Variants in GRID2 observed in about 807,000 individuals in gnomAD.
GRID2 encodes glutamate ionotropic receptor delta type subunit 2.
In GRID2, 33 loss-of-function variants were observed where a neutral mutation model predicts 114.8. That is an observed-to-expected ratio of 0.29 (90% confidence interval 0.22 to 0.38). The LOEUF (loss-of-function observed/expected upper bound fraction) is 0.38. Ranked by LOEUF, GRID2 falls within the 10% of genes least tolerant of loss-of-function variation. GRID2 has a pLI of 1.00. For synonymous variants in GRID2, 505 were observed against 449.9 expected (o/e 1.12, Z -1.55); for missense variants, 1,184 against 1,257.7 (o/e 0.94, Z 0.89).
In GRID2 at chr4:93,183,082, A is replaced by G. The variant is rs564630157; in HGVS notation, c.736-24322A>G. Among the ~76,000 whole-genome samples, 5 of 152,356 alleles carry G rather than the reference A, an allele frequency of 3.3e-5. 1 individual carries two copies. The South Asian group carries it at 6.2e-4, about 19-fold the overall frequency. On this transcript the variant is annotated intron_variant, in intron 4 of 15. Coordinates refer to ENST00000282020, the MANE Select transcript of GRID2 (RefSeq NM_001510.4). ...TGAGCAGAATTAAATCAAAATGAGT[A>G]AAATAAAGTAAATCAGGTGCCTGAT...
intron 14 of GRID2, among the ~76,000 whole-genome samples, chr4:93,708,996 T>G (rs1313180277): frequency 1.3e-5 from 2 of 152,102 alleles, no homozygotes; most frequent in Non-Finnish European, 2.9e-5. Flanking sequence ...CACTTTAACT[T>G]CATCCCTTCT....
intron 2 of GRID2, among the ~76,000 whole-genome samples, chr4:92,648,038 G>A (rs910948869): frequency 6.0e-5 from 9 of 149,682 alleles, no homozygotes; most frequent in Admixed American, 2.0e-4. Flanking sequence ...ATAAAATGAA[G>A]TTTCACTCAT....
intron 2 of GRID2, among the ~76,000 whole-genome samples, chr4:92,888,999 T>C (rs1401092058): frequency 1.3e-5 from 2 of 152,152 alleles, no homozygotes; most frequent in African/African-American, 4.8e-5. Flanking sequence ...ATTTAGTCTT[T>C]AGATTTAAAA....
At chr4:93,023,564 T>C (rs1723598164) in intron 2 of GRID2, among the ~76,000 whole-genome samples, 1 of 151,904 alleles carries the variant, frequency 6.6e-6, no homozygotes, top group South Asian at 2.1e-4. Context: ...TATGTAATTT[T>C]TAAAAGAGAA....
intron 2 of GRID2, among the ~76,000 whole-genome samples, chr4:92,943,660 T>G (rs2149541089): frequency 6.6e-6 from 1 of 152,334 alleles, no homozygotes; most frequent in South Asian, 2.1e-4. Context: ...GTGCTCTGAC[T>G]TTCAGAGTTT....
intron 2 of GRID2, among the ~76,000 whole-genome samples, chr4:92,904,901 A>T (rs1747839299): frequency 6.6e-6 from 1 of 152,092 alleles, no homozygotes. Context: ...TGGTGGAAAG[A>T]AATATTATAG....
chr4:92,551,127 T>G (rs1444246679), intron 1 of GRID2, among the ~76,000 whole-genome samples: 1 of 152,156 alleles, frequency 6.6e-6, no homozygotes, highest in Non-Finnish European at 1.5e-5. Flanking sequence ...AAAGGATAGA[T>G]AGTATCATTT....
At chr4:93,765,765 C>T (rs1296667057) in intron 14 of GRID2, among the ~76,000 whole-genome samples, 1 of 151,258 alleles carries the variant, frequency 6.6e-6, no homozygotes, top group Admixed American at 6.6e-5. Context: ...AAAGTGTAGG[C>T]AGTAATTAAG....
chr4:92,945,035 A>G (rs1393450752), intron 2 of GRID2, among the ~76,000 whole-genome samples: 3 of 152,150 alleles, frequency 2.0e-5, no homozygotes, highest in Non-Finnish European at 4.4e-5. Flanking sequence ...AGTTACATTC[A>G]GTGGTGGTAA....
intron 1 of GRID2, among the ~76,000 whole-genome samples, chr4:92,400,186 C>T (rs900938447): frequency 2.0e-4 from 30 of 152,054 alleles, no homozygotes; most frequent in Admixed American, 2.0e-3. Flanking sequence ...TGTGCAACTA[C>T]CACAGCTATT....
intron 1 of GRID2, among the ~76,000 whole-genome samples, chr4:92,306,012 C>G (rs1725383627): frequency 1.3e-5 from 2 of 152,178 alleles, no homozygotes; most frequent in African/African-American, 4.8e-5. Context: ...TGCTTCTCCA[C>G]CGCACAACAC....
At chr4:93,113,546 C>T (rs1459325165) in intron 4 of GRID2, among the ~76,000 whole-genome samples, 1 of 152,194 alleles carries the variant, frequency 6.6e-6, no homozygotes, top group Non-Finnish European at 1.5e-5. Flanking sequence ...TTTTCCAGTT[C>T]ATCGTAGAAA....
chr4:93,029,982 T>G (rs1167396319), intron 2 of GRID2, among the ~76,000 whole-genome samples: 1 of 152,200 alleles, frequency 6.6e-6, no homozygotes, highest in South Asian at 2.1e-4. Context: ...TGTCCCAGTC[T>G]GCTAGGGGAA....
intron 2 of GRID2, among the ~76,000 whole-genome samples, chr4:92,720,402 A>G (rs1735755064): frequency 6.6e-6 from 1 of 152,048 alleles, no homozygotes; most frequent in South Asian, 2.1e-4. Context: ...AACATTAAGA[A>G]ATTCATACTC....
chr4:93,340,161 A>G (rs1759500650), intron 8 of GRID2, among the ~76,000 whole-genome samples: 1 of 151,084 alleles, frequency 6.6e-6, no homozygotes, highest in African/African-American at 2.4e-5. Context: ...TGTAACTAGT[A>G]TATTCTAGCA....
At chr4:92,957,669 A>G (rs562011869) in intron 2 of GRID2, among the ~76,000 whole-genome samples, 8 of 152,092 alleles carry the variant, frequency 5.3e-5, no homozygotes, top group African/African-American at 1.9e-4. Flanking sequence ...CTTCCGAATC[A>G]TTTAGTAGAT....
At chr4:92,442,326 C>T (rs1208683031) in intron 1 of GRID2, among the ~76,000 whole-genome samples, 3 of 151,868 alleles carry the variant, frequency 2.0e-5, no homozygotes, top group Non-Finnish European at 2.9e-5. Flanking sequence ...TTGAACAGTC[C>T]GATTTTCAGT....
rs538237027 is a variant in GRID2, at chr4:93,158,224, G to T, written c.735+47271G>T. 4.6e-5 allele frequency among the ~76,000 whole-genome samples: 7 copies of T among 151,920 alleles called. No homozygotes were observed. The South Asian group carries it at 6.2e-4, about 13-fold the overall frequency. ...CTCTGCTGCAATTCGTTATGCAGGA[G>T]CTAGGGAGGGATAGAGAATAATGTA... is the stretch of plus-strand genomic sequence containing the variant. On this transcript the variant is annotated intron_variant, in intron 4 of 15. Coordinates refer to ENST00000282020, the MANE Select transcript of GRID2 (RefSeq NM_001510.4).
chr4:93,668,431 C>T (rs1464859317), intron 14 of GRID2, among the ~76,000 whole-genome samples: 1 of 151,852 alleles, frequency 6.6e-6, no homozygotes, highest in African/African-American at 2.4e-5. Flanking sequence ...TTGCTACCTC[C>T]CCTTTCAACA....
Sources: gnomAD v4.1 joint callset for allele counts (sites outside exome capture counted in the v4.1 genomes callset) on GRCh38, gnomAD v4.1.1 for gene constraint, MANE v1.5 for transcripts, NCBI Gene and HGNC (gene_info 2026-07-23, HGNC 2026-07-21) for gene names.